SNRNP200: variants seen among roughly 807,000 people sequenced by gnomAD.
SNRNP200 encodes the protein U5 small nuclear ribonucleoprotein 200 kDa helicase.
In SNRNP200, 66 loss-of-function variants were observed where a neutral mutation model predicts 255.2. That is an observed-to-expected ratio of 0.26 (90% CI 0.21 to 0.32). The LOEUF is 0.32. Ranked by LOEUF, SNRNP200 falls within the 10% of genes least tolerant of loss-of-function variation. The pLI is 1.00. For missense variants in SNRNP200, 1,585 were observed against 2,749.8 expected (o/e 0.58, Z 9.47); for synonymous variants, 939 against 1,027.8 (o/e 0.91, Z 1.65).
In SNRNP200 at chr2:96,278,166, G is replaced by A. The variant is rs145370382; in HGVS notation, c.5610+71C>T. ...GTATGGGCGTGTTGGTGGCAGGGATGCCATGTGCTCTGGGCACACAGGCCG... is the reference window on the plus strand; with the variant it reads ...GTATGGGCGTGTTGGTGGCAGGGATACCATGTGCTCTGGGCACACAGGCCG... On this transcript the variant is annotated intron_variant, in intron 39 of 44. Transcript: ENST00000323853. This position sits in a 1 kb window ranked among gnomAD's most constrained non-coding sequence, Gnocchi z 6.9. The A allele has an allele frequency of 3.1e-6, 5 of 1,610,368 alleles. No homozygotes were observed. In the Admixed American group the frequency reaches 8.3e-5, roughly 27 times the overall value.
At chr2:96,288,938 G>C in intron 23 of SNRNP200, 99 bp downstream of exon 23, 1 of 1,190,808 alleles carries the variant, frequency 8.4e-7, no homozygotes, top group Non-Finnish European at 1.2e-6. Context: ...AACTGAGCAG[G>C]AAACCACACA....
chr2:96,304,641 C>T, intron 2 of SNRNP200, 64 bp downstream of exon 2: 1 of 1,603,076 alleles, frequency 6.2e-7, no homozygotes. Flanking sequence ...AAAAATGCTG[C>T]TCGAATGTTA....
At chr2:96,279,727 T>C (rs1684727760) in intron 35 of SNRNP200, 168 bp from the exon 36 acceptor site, 2 of 647,820 alleles carry the variant, frequency 3.1e-6, no homozygotes, top group East Asian at 5.8e-5. Context: ...CTAGCTTCAC[T>C]GGCTGGCCTG....
chr2:96,288,318 ACCCTGTGCCAT>A (rs1278692180), intron 24 of SNRNP200, among the ~76,000 whole-genome samples: 1 of 152,038 alleles, frequency 6.6e-6, no homozygotes, highest in Non-Finnish European at 1.5e-5. Flanking sequence ...AGCTAATAAA[ACCCTGTGCCAT>A]TTTTGGATTT....
intron 43 of SNRNP200, 159 bp downstream of exon 43, chr2:96,276,745 A>AG (rs780870343): frequency 3.6e-6 from 3 of 825,050 alleles, no homozygotes; most frequent in Non-Finnish European, 6.4e-6. Context: ...AGAAACAAAC[A>AG]GAAAAAAAAC....
Position 96,301,063 on chromosome 2 carries a change from T to C in SNRNP200, c.575-10A>G. The C allele has an allele frequency of 1.2e-6, 2 of 1,613,726 alleles. No individual in the cohort carries two copies. Among genetic ancestry groups the C allele is most frequent in the South Asian group, 1.1e-5 (1 of 91,062 alleles). On this transcript the variant is annotated splice_polypyrimidine_tract_variant and intron_variant, in intron 4 of 44. Transcript: ENST00000323853. ...TCATCAATGTTGTCATCTGAAACAA[T>C]GAAGGATTAGAAAAAGAGGGCAGTG...
At position 96,287,204 on chromosome 2, in the gene SNRNP200, A is replaced by G; in HGVS notation, c.3485-44T>C. The G allele has an allele frequency of 6.2e-7, 1 of 1,612,332 alleles. No individual in the cohort carries two copies. Among genetic ancestry groups the G allele is most frequent in the Non-Finnish European group, 8.5e-7 (1 of 1,178,536 alleles). ...ACTGAGGCTGCAGCCCAGCCTGCCT[A>G]CTATACTGCAAACTGGGCCTGAGGG... is the stretch of plus-strand genomic sequence containing the variant. On this transcript the variant is annotated intron_variant, in intron 26 of 44. Coordinates refer to ENST00000323853, the MANE Select transcript of SNRNP200 (RefSeq NM_014014.5). This position sits in a 1 kb window ranked among gnomAD's most constrained non-coding sequence, Gnocchi z 5.7.
rs372772120 is a variant in SNRNP200, at chr2:96,286,829, T to C, written c.3688A>G (p.Ser1230Gly). Reference sequence around the variant, plus strand: ...TACTCATGGTGCAGAATCACCTCGCTGTCCACATCCTCCACCAGAATCCAA... The same window carrying C: ...TACTCATGGTGCAGAATCACCTCGCCGTCCACATCCTCCACCAGAATCCAA... ...AFWILVEDVDSEVILHHEYFL... is the reference protein window; with the variant it reads ...AFWILVEDVDGEVILHHEYFL... Residue 1230 changes from serine (S) to glycine (G), a missense_variant, in exon 28 of 45, where the codon AGC becomes GGC. Physicochemically the swap from Ser to Gly is moderately conservative, Grantham distance 56. Around this residue, in one of 9 missense-constraint regions of SNRNP200, gnomAD observed 719 missense variants for 1,091.1 expected, o/e 0.66. Transcript: ENST00000323853. The surrounding 1 kb of genome is among the most constrained non-coding windows in gnomAD (Gnocchi z 4.8). 17 of 1,614,098 alleles carry C rather than the reference T, an allele frequency of 1.1e-5. No individual in the cohort carries two copies. The highest frequency in any genetic ancestry group is 3.3e-5 in the South Asian group (3 of 91,088).
intron 2 of SNRNP200, among the ~76,000 whole-genome samples, chr2:96,304,075 C>A (rs2063971945): frequency 1.3e-5 from 2 of 151,802 alleles, no homozygotes; most frequent in Non-Finnish European, 2.9e-5. Flanking sequence ...AGATATAGCA[C>A]AAAGTGGAGA....
Position 96,277,404 on chromosome 2 carries a change from C to T in SNRNP200, c.5931+135G>A. On this transcript the variant is annotated intron_variant, in intron 41 of 44. Coordinates refer to ENST00000323853, the MANE Select transcript of SNRNP200 (RefSeq NM_014014.5). This position sits in a 1 kb window ranked among gnomAD's most constrained non-coding sequence, Gnocchi z 4.4. ...ACAGTTGGCAGGCTCTCTAGCATCT[C>T]AACAGGGAGCACCTTCGGAGGAACC... The T allele has an allele frequency of 1.5e-6, 2 of 1,296,748 alleles. No homozygotes were observed. The highest frequency in any genetic ancestry group is 2.2e-6 in the Non-Finnish European group (2 of 903,908). The allele number at this position is 1,296,748 out of a possible 1,614,324, so 80.3% of individuals were successfully genotyped here.
chr2:96,281,511 C>G, intron 35 of SNRNP200: 1 of 382,756 alleles, frequency 2.6e-6, no homozygotes, highest in East Asian at 6.5e-5. Context: ...TGTATGACCT[C>G]GACCAAGTCA....
chr2:96,278,285 C>T lies in SNRNP200; in HGVS notation c.5562G>A (p.Glu1854=). ...GLIEIISNAA[E]YENIPIRHHE... ...GGTGCCGGATGGGAATGTTCTCATA[C>T]TCTGCTGCATTGGAGATGATCTCGA... Residue 1854 remains glutamate (E), a synonymous_variant, in exon 39 of 45, where the codon GAG becomes GAA. Transcript: ENST00000323853. The surrounding 1 kb of genome is among the most constrained non-coding windows in gnomAD (Gnocchi z 6.9). The T allele has an allele frequency of 1.2e-6, 2 of 1,614,194 alleles. No individual in the cohort carries two copies. The highest frequency in any genetic ancestry group is 1.7e-6 in the Non-Finnish European group (2 of 1,180,034).
At chr2:96,276,786 G>T in intron 43 of SNRNP200, 118 bp downstream of exon 43, 1 of 949,324 alleles carries the variant, frequency 1.1e-6, no homozygotes, top group Non-Finnish European at 1.7e-6. Context: ...TCTCACCCTT[G>T]TGAGCTGATT....
rs535962911 is a variant in SNRNP200, at chr2:96,277,122, G to A, written c.6051C>T (p.Ile2017=). The A allele has an allele frequency of 2.5e-5, 41 of 1,614,178 alleles. No homozygotes were observed. Among genetic ancestry groups the A allele is most frequent in the African/African-American group, 1.6e-4 (12 of 75,036 alleles). ...TATCTACCACCTCATAAGATAGTTC[G>A]ATATTAGGGTAGCGGTTACAAAAGC... is the stretch of plus-strand genomic sequence containing the variant. ...VARFCNRYPN[I]ELSYEVVDKD... Residue 2017 remains isoleucine, a synonymous_variant, in exon 42 of 45, where the codon ATC becomes ATT. Coordinates refer to ENST00000323853, the MANE Select transcript of SNRNP200 (RefSeq NM_014014.5). This position sits in a 1 kb window ranked among gnomAD's most constrained non-coding sequence, Gnocchi z 4.4.
rs2063875719 is a variant in SNRNP200 at position 96,290,215 on chromosome 2, G to GA, written c.2742+110dup. On this transcript the variant is annotated intron_variant, in intron 20 of 44. Coordinates refer to ENST00000323853, the MANE Select transcript of SNRNP200 (RefSeq NM_014014.5). The surrounding 1 kb of genome is among the most constrained non-coding windows in gnomAD (Gnocchi z 4.5). ...GCCAGACCCAAGATGTGGGTGCAGG[G>GA]ATGGAAGGCCTCGGACGCTGCTGGC... The GA allele has an allele frequency of 4.1e-6, 5 of 1,225,980 alleles. No homozygotes were observed. Among genetic ancestry groups the GA allele is most frequent in the Non-Finnish European group, 3.6e-6 (3 of 828,064 alleles). 75.9% of individuals were successfully genotyped at this position (1,225,980 alleles called of 1,614,324 possible). A position where few individuals can be genotyped will look rare whatever the true frequency, so the allele number is the denominator to read the frequency against.
chr2:96,283,287 T>C lies in SNRNP200; in HGVS notation c.4829A>G (p.Lys1610Arg). The change falls in exon 34 of 45, where the codon AAG becomes AGG. Residue 1610 changes from lysine to arginine, a missense_variant. This residue lies in a region of SNRNP200 where 719 missense variants were observed against 1,091.1 expected (regional missense o/e 0.66). Coordinates refer to ENST00000323853, the MANE Select transcript of SNRNP200 (RefSeq NM_014014.5). The surrounding 1 kb of genome is among the most constrained non-coding windows in gnomAD (Gnocchi z 4.7). ...GCCCACCCCATTTAGCAGCGTTTCC[T>C]TGAGCGTGCTGTCACTTAGCTTCTC... ...YLEKLSDSTL[K>R]ETLLNGVGYL... The C allele has an allele frequency of 1.2e-6, 2 of 1,614,088 alleles. No individual in the cohort carries two copies. The highest frequency in any genetic ancestry group is 1.7e-6 in the Non-Finnish European group (2 of 1,180,026).
At position 96,286,877 on chromosome 2, in the gene SNRNP200, C is replaced by T. The variant is rs2063847180; in HGVS notation, c.3640G>A (p.Val1214Met). ...CAAAAAGCCTCGGATGAACCATGCA[C>T]CTGCCAACAGGAGCAAGGGTAAAAG... Reference protein sequence around the residue: ...ITPDFQWDEKVHGSSEAFWIL... With the variant: ...ITPDFQWDEKMHGSSEAFWIL... Residue 1214 changes from valine to methionine, a missense_variant and splice_region_variant, in exon 28 of 45, where the codon GTG (valine) becomes ATG (methionine). By Grantham distance (21) the Val-to-Met change is conservative. Around this residue, in one of 9 missense-constraint regions of SNRNP200, gnomAD observed 719 missense variants for 1,091.1 expected, o/e 0.66. Transcript: ENST00000323853. This position sits in a 1 kb window ranked among gnomAD's most constrained non-coding sequence, Gnocchi z 4.8. 1 of 1,614,200 alleles carries T rather than the reference C, an allele frequency of 6.2e-7. No individual in the cohort carries two copies. Among genetic ancestry groups the T allele is most frequent in the Non-Finnish European group, 8.5e-7 (1 of 1,180,030 alleles).
intron 35 of SNRNP200, chr2:96,279,773 T>C: frequency 3.7e-6 from 2 of 545,504 alleles, no homozygotes; most frequent in East Asian, 6.6e-5. Flanking sequence ...GGGCCATGAA[T>C]TTGCTGCTCA....
At chr2:96,282,431 G>A (rs2063808213) in intron 34 of SNRNP200, 1 of 186,766 alleles carries the variant, frequency 5.4e-6, no homozygotes, top group Non-Finnish European at 1.2e-5. Flanking sequence ...TGGCCAGCAA[G>A]AGTGAGCTCA....
Sources: allele counts gnomAD v4.1 joint callset (sites outside exome capture counted in the v4.1 genomes callset), GRCh38; gene constraint gnomAD v4.1.1; regional missense constraint gnomAD v4.1.1; non-coding constraint Gnocchi (gnomAD v3.1); transcripts MANE v1.5; gene names NCBI Gene and HGNC (gene_info 2026-07-23, HGNC 2026-07-21).